BIRC6: variants seen among roughly 807,000 people sequenced by gnomAD.
BIRC6 encodes the protein dual E2 ubiquitin-conjugating enzyme/E3 ubiquitin-protein ligase BIRC6.
BIRC6 carries 98 observed loss-of-function variants against 503.3 expected under a neutral mutation model. The observed-to-expected ratio is 0.19, with a 90% CI of 0.17 to 0.23. The LOEUF (loss-of-function observed/expected upper bound fraction) is 0.23, where lower values mean the gene tolerates loss of function less well. Among genes scored for constraint, BIRC6 ranks in the 10% least tolerant of loss-of-function variants. The pLI, the probability that BIRC6 is intolerant of heterozygous loss-of-function variation, is 1.00. For missense variants in BIRC6, 5,360 were observed against 5,806.0 expected, an observed-to-expected ratio of 0.92 and a Z score of 2.50; for synonymous variants, 2,240 against 2,078.7, an observed-to-expected ratio of 1.08 and a Z score of -2.11.
intron 62 of BIRC6, among the ~76,000 whole-genome samples, chr2:32,543,913 G>T (rs1444109021): frequency 1.3e-5 from 2 of 152,276 alleles, no homozygotes; most frequent in South Asian, 2.1e-4. Flanking sequence ...ACTCTTGAGT[G>T]CAGTATTATG....
chr2:32,578,027 C>T lies in BIRC6; in HGVS notation c.13355+2661C>T, dbSNP rs1348923314. On this transcript the variant is annotated intron_variant, in intron 66 of 73. Coordinates refer to ENST00000421745, the MANE Select transcript of BIRC6 (RefSeq NM_016252.4). ...TTTAGTAATTCTTTTTACTGATAAA[C>T]ATTATTATATTTTGCATTAAGACTT... Among the ~76,000 whole-genome samples the T allele has an allele frequency of 1.3e-5, 2 of 152,096 alleles. 1 individual carries two copies. Among genetic ancestry groups the T allele is most frequent in the East Asian group, 3.8e-4 (2 of 5,196 alleles).
intron 1 of BIRC6, among the ~76,000 whole-genome samples, chr2:32,364,531 G>T (rs558825438): frequency 6.6e-6 from 1 of 152,130 alleles, no homozygotes; most frequent in Admixed American, 6.5e-5. Flanking sequence ...GTGAGCCACC[G>T]TGCCCAGCCC....
At chr2:32,521,365 C>T (rs1474028145) in intron 57 of BIRC6, among the ~76,000 whole-genome samples, 1 of 21,506 alleles carries the variant, frequency 4.6e-5, no homozygotes, top group Non-Finnish European at 8.1e-5. Context: ...GACCTCATCT[C>T]AAAAAAAAAA....
At chr2:32,426,530 GGAGGCGGAGGTTGCAGT>G (rs2043512976) in intron 10 of BIRC6, among the ~76,000 whole-genome samples, 2 of 152,266 alleles carry the variant, frequency 1.3e-5, no homozygotes, top group African/African-American at 4.8e-5. Context: ...CTTGAACCCA[GGAGGCGGAGGTTGCAGT>G]GAGCTGAGAT....
chr2:32,469,518 A>C lies in BIRC6; in HGVS notation c.6251A>C (p.Gln2084Pro). Reference sequence around the variant, plus strand: ...TTACATACTGGTCTTCTTCTTGTTCAACTGTGTGGTGGTGAAAGGTGGTGG... The same window carrying C: ...TTACATACTGGTCTTCTTCTTGTTCCACTGTGTGGTGGTGAAAGGTGGTGG... ...IRLHTGLLLV[Q>P]LCGGERWWGQ... Residue 2084 changes from glutamine (Q) to proline (P), a missense_variant, in exon 30 of 74, where the codon CAA becomes CCA. This residue lies in a region of BIRC6 where 2,299 missense variants were observed against 2,267.2 expected (regional missense o/e 1.01). Coordinates refer to ENST00000421745, the MANE Select transcript of BIRC6 (RefSeq NM_016252.4). 6.2e-7 allele frequency: 1 copy of C among 1,613,878 alleles called. No individual in the cohort carries two copies. The highest frequency in any genetic ancestry group is 8.5e-7 in the Non-Finnish European group (1 of 1,179,836).
intron 66 of BIRC6, among the ~76,000 whole-genome samples, chr2:32,579,552 C>T (rs1228899905): frequency 6.6e-6 from 1 of 151,948 alleles, no homozygotes; most frequent in African/African-American, 2.4e-5. Context: ...TAGTCAATAT[C>T]GTGGGCTGCA....
chr2:32,438,818 C>T (rs1004611837), intron 15 of BIRC6, among the ~76,000 whole-genome samples: 2 of 152,136 alleles, frequency 1.3e-5, no homozygotes, highest in African/African-American at 4.8e-5. Flanking sequence ...CCTCACCCTC[C>T]CAAAGTGCTG....
In BIRC6 at chr2:32,476,335, C is replaced by G; in HGVS notation, c.6843C>G (p.Ala2281=). ...TAGAACAAGCAAAACTAAAGCAGGC[C>G]ACTTCAAAGGTATGATCTATACTTT... The part of the protein sequence containing the change: ...LLVEQAKLKQ[A]TSKHFKDLIR... The change falls in exon 34 of 74, where the codon GCC becomes GCG. Residue 2281 remains alanine, a synonymous_variant. Coordinates refer to ENST00000421745, the MANE Select transcript of BIRC6 (RefSeq NM_016252.4). The G allele has an allele frequency of 1.3e-6, 2 of 1,577,402 alleles. No homozygotes were observed. The highest frequency in any genetic ancestry group is 1.7e-6 in the Non-Finnish European group (2 of 1,160,244).
At chr2:32,447,067 G>T (rs2046058478) in intron 21 of BIRC6, among the ~76,000 whole-genome samples, 1 of 141,218 alleles carries the variant, frequency 7.1e-6, no homozygotes, top group Non-Finnish European at 1.5e-5. Flanking sequence ...ACAGGGTTGG[G>T]GATAAGGTCA....
intron 45 of BIRC6, among the ~76,000 whole-genome samples, chr2:32,498,672 C>T (rs975557325): frequency 1.6e-4 from 24 of 152,142 alleles, no homozygotes; most frequent in African/African-American, 5.8e-4. Context: ...ACTGCAACCT[C>T]CTCCTCCTGG....
intron 23 of BIRC6, among the ~76,000 whole-genome samples, chr2:32,460,419 G>T (rs1382302493): frequency 6.7e-6 from 1 of 150,244 alleles, no homozygotes; most frequent in Non-Finnish European, 1.5e-5. Flanking sequence ...TGGGATTACA[G>T]GTGCCCACCA....
At position 32,416,135 on chromosome 2, in the gene BIRC6, C is replaced by G. The variant is rs562418075; in HGVS notation, c.2844C>G (p.Gly948=). 1.6e-4 allele frequency: 256 copies of G among 1,610,026 alleles called. 2 individuals are homozygous for G. The South Asian group carries it at 2.8e-3, about 17-fold the overall frequency. ...TTGTTTCTGTGATTTACTGTTCTGG[C>G]ACAGACAGGCTGTGTGCATGCACCA... is the stretch of plus-strand genomic sequence containing the variant. ...DTFVSVIYCS[G]TDRLCACTKG... The change falls in exon 10 of 74, where the codon GGC becomes GGG. Residue 948 remains glycine, a synonymous_variant. Coordinates refer to ENST00000421745, the MANE Select transcript of BIRC6 (RefSeq NM_016252.4).
At chr2:32,434,944 A>G (rs1030430330) in intron 13 of BIRC6, among the ~76,000 whole-genome samples, 1 of 152,212 alleles carries the variant, frequency 6.6e-6, no homozygotes, top group African/African-American at 2.4e-5. Flanking sequence ...ATACGGGAGG[A>G]TATGAATAAG....
chr2:32,386,896 G>A (rs1443876801), intron 3 of BIRC6, among the ~76,000 whole-genome samples: 1 of 151,988 alleles, frequency 6.6e-6, no homozygotes, highest in Non-Finnish European at 1.5e-5. Context: ...GCTAATCTGG[G>A]GATTGTTTTC....
intron 6 of BIRC6, among the ~76,000 whole-genome samples, chr2:32,396,459 G>T (rs1422808892): frequency 6.6e-6 from 1 of 152,122 alleles, no homozygotes; most frequent in African/African-American, 2.4e-5. Flanking sequence ...TTGCTAAAAC[G>T]TATTGCAGTG....
chr2:32,489,188 C>T (rs961946890), intron 42 of BIRC6, among the ~76,000 whole-genome samples: 6 of 151,790 alleles, frequency 4.0e-5, no homozygotes, highest in Non-Finnish European at 7.4e-5. Context: ...AAAGAATTAG[C>T]GTTCAGCTCT....
At chr2:32,602,272 T>C (rs2062113004) in intron 70 of BIRC6, among the ~76,000 whole-genome samples, 1 of 152,230 alleles carries the variant, frequency 6.6e-6, no homozygotes, top group Non-Finnish European at 1.5e-5. Context: ...ATGAGATCCT[T>C]TCTTTCATAG....
chr2:32,365,580 A>T (rs560276245), intron 1 of BIRC6, among the ~76,000 whole-genome samples: 2 of 152,192 alleles, frequency 1.3e-5, no homozygotes, highest in African/African-American at 4.8e-5. Context: ...CGGCCTCCCA[A>T]AGTGCTGGGA....
intron 73 of BIRC6, among the ~76,000 whole-genome samples, chr2:32,616,387 G>A (rs1045166591): frequency 5.3e-5 from 8 of 151,598 alleles, no homozygotes; most frequent in Middle Eastern, 3.4e-3. Flanking sequence ...GCAAAACCCC[G>A]TCTCTACCAA....
Sources: allele counts gnomAD v4.1 joint callset (sites outside exome capture counted in the v4.1 genomes callset), GRCh38; gene constraint gnomAD v4.1.1; regional missense constraint gnomAD v4.1.1; transcripts MANE v1.5; gene names NCBI Gene and HGNC (gene_info 2026-07-23, HGNC 2026-07-21).